Variants in PSD2 observed in about 807,000 individuals in gnomAD.
PSD2 encodes the protein pleckstrin and Sec7 domain containing 2, also known as PH and SEC7 domain-containing protein 2.
Under a neutral mutation model 69.8 loss-of-function variants are expected in PSD2, and 38 were observed. The ratio of observed to expected loss-of-function variants is 0.54; its 90% CI spans 0.42 to 0.71. The LOEUF is 0.71. Among genes scored for constraint, PSD2 ranks in the 30% least tolerant of loss-of-function variants. The pLI is 0.00. For synonymous variants in PSD2, 412 were observed against 423.0 expected (o/e 0.97, Z 0.32); for missense variants, 943 against 1,014.5 (o/e 0.93, Z 0.96).
At chr5:139,795,125 C>T (rs1042278362), upstream of PSD2, among the ~76,000 whole-genome samples, 41 of 152,146 alleles carry the variant, frequency 2.7e-4, no homozygotes, top group Non-Finnish European at 5.7e-4. The surrounding 1 kb of genome is among the most constrained non-coding windows in gnomAD (Gnocchi z 4.5). Flanking sequence ...TCACCTCCCG[C>T]CTCCCTCAGG....
the PSD2 span, among the ~76,000 whole-genome samples, chr5:139,784,157 C>G: frequency 6.6e-6 from 1 of 151,666 alleles, no homozygotes; most frequent in Admixed American, 6.6e-5. Flanking sequence ...CCAGGCTGGT[C>G]TTGAACTCCT....
chr5:139,820,557 G>A (rs892629201), intron 5 of PSD2, among the ~76,000 whole-genome samples: 1 of 152,178 alleles, frequency 6.6e-6, no homozygotes, highest in African/African-American at 2.4e-5. Flanking sequence ...GAGGTGGCAT[G>A]AGAGAGGGTA....
At chr5:139,784,568 C>A in the PSD2 span, among the ~76,000 whole-genome samples, 1 of 152,174 alleles carries the variant, frequency 6.6e-6, no homozygotes, top group Non-Finnish European at 1.5e-5. Context: ...AAGTCCTCAT[C>A]ATGGCCTACA....
the PSD2 span, among the ~76,000 whole-genome samples, chr5:139,762,961 T>C: frequency 6.6e-6 from 1 of 151,614 alleles, no homozygotes; most frequent in Non-Finnish European, 1.5e-5. Flanking sequence ...GACCCATAAA[T>C]GAAGGGAGGG....
At chr5:139,838,521 T>A in intron 12 of PSD2, 107 bp from the exon 13 acceptor site, 2 of 1,232,128 alleles carry the variant, frequency 1.6e-6, no homozygotes, top group South Asian at 1.4e-5. Context: ...CATCTAGAGG[T>A]ACTGGTGCCT....
the PSD2 span, among the ~76,000 whole-genome samples, chr5:139,777,073 C>T: frequency 3.3e-5 from 5 of 152,194 alleles, no homozygotes; most frequent in Admixed American, 2.6e-4. Context: ...CACACAGGCC[C>T]CAGATGGCTG....
chr5:139,768,772 T>TAAA, the PSD2 span, among the ~76,000 whole-genome samples: 1 of 130,106 alleles, frequency 7.7e-6, no homozygotes, highest in Non-Finnish European at 1.7e-5. Context: ...TGGATGGGAG[T>TAAA]AAAAAAGTGA....
the PSD2 span, among the ~76,000 whole-genome samples, chr5:139,788,684 C>G: frequency 1.3e-5 from 2 of 152,218 alleles, no homozygotes; most frequent in Non-Finnish European, 2.9e-5. Context: ...AGATGCCGTT[C>G]TGGGCCAGGC....
At chr5:139,807,242 T>C (rs1208815075) in intron 1 of PSD2, among the ~76,000 whole-genome samples, 1 of 152,214 alleles carries the variant, frequency 6.6e-6, no homozygotes, top group African/African-American at 2.4e-5. Flanking sequence ...GTTGAAACCC[T>C]GTGCCCCAGA....
rs1354930812 is a variant in PSD2 at position 139,837,904 on chromosome 5, G to A, written c.1823+122G>A. ...CATGTGTATCCACATGACACAGACC[G>A]ACAGCTGGGTCCCTCCAAAGCAGTG... On this transcript the variant is annotated intron_variant, in intron 12 of 14. Coordinates refer to ENST00000274710, the MANE Select transcript of PSD2 (RefSeq NM_032289.4). This position sits in a 1 kb window ranked among gnomAD's most constrained non-coding sequence, Gnocchi z 5.0. 8 of 927,374 alleles carry A rather than the reference G, an allele frequency of 8.6e-6. No individual in the cohort carries two copies. The highest frequency in any genetic ancestry group is 1.3e-5 in the Non-Finnish European group (8 of 627,052). 57.4% of individuals were successfully genotyped at this position (927,374 alleles called of 1,614,324 possible). A position where few individuals can be genotyped will look rare whatever the true frequency, so the allele number is the denominator to read the frequency against.
At chr5:139,789,826 A>T in the PSD2 span, among the ~76,000 whole-genome samples, 1 of 152,044 alleles carries the variant, frequency 6.6e-6, no homozygotes, top group East Asian at 1.9e-4. Flanking sequence ...CATATGTGTT[A>T]TGGAGGAAAA....
rs1482733388 is a variant in PSD2, at chr5:139,817,572, C to T, written c.1097+11C>T. 6.2e-7 allele frequency: 1 copy of T among 1,609,000 alleles called. No homozygotes were observed. Among genetic ancestry groups the T allele is most frequent in the Non-Finnish European group, 8.5e-7 (1 of 1,175,484 alleles). On this transcript the variant is annotated intron_variant, in intron 5 of 14. Transcript: ENST00000274710. ...GGACGGAGCACTCAGGTCAGTGGGG[C>T]TGGGACAGGCAGTGCCCACAAGTGG...
the PSD2 span, among the ~76,000 whole-genome samples, chr5:139,771,613 C>T: frequency 1.3e-5 from 2 of 152,108 alleles, no homozygotes; most frequent in African/African-American, 2.4e-5. Flanking sequence ...TTCCTGACCT[C>T]GTGATCCGCC....
At chr5:139,810,008 G>T (rs1014910791) in intron 2 of PSD2, among the ~76,000 whole-genome samples, 197 bp downstream of exon 2, 10 of 152,084 alleles carry the variant, frequency 6.6e-5, no homozygotes, top group Admixed American at 6.5e-5. Context: ...CCAGCAGATT[G>T]GGGGGCTGAA....
the PSD2 span, among the ~76,000 whole-genome samples, chr5:139,758,546 C>T: frequency 2.0e-4 from 30 of 152,228 alleles, no homozygotes; most frequent in Non-Finnish European, 3.5e-4. Flanking sequence ...TTGCTTCAGC[C>T]TCCTCCCCTG....
intron 1 of PSD2, among the ~76,000 whole-genome samples, chr5:139,801,595 C>A (rs1188662096): frequency 6.6e-6 from 1 of 152,174 alleles, no homozygotes; most frequent in African/African-American, 2.4e-5. Context: ...CTCTCTCCCC[C>A]ATCTCCACTC....
the PSD2 span, among the ~76,000 whole-genome samples, chr5:139,761,598 C>T: frequency 6.6e-6 from 1 of 152,224 alleles, no homozygotes; most frequent in Non-Finnish European, 1.5e-5. Context: ...CCGTGGACAC[C>T]AGTTTCCCTT....
intron 8 of PSD2, among the ~76,000 whole-genome samples, chr5:139,834,317 A>C (rs1760663869): frequency 6.6e-6 from 1 of 152,100 alleles, no homozygotes; most frequent in Admixed American, 6.5e-5. Flanking sequence ...ACAAGGTCTC[A>C]TTCTGTCACC....
At position 139,831,152 on chromosome 5, in the gene PSD2, T is replaced by A. The variant is rs528121537; in HGVS notation, c.1270-2550T>A. 2.0e-5 allele frequency among the ~76,000 whole-genome samples: 3 copies of A among 152,308 alleles called. No individual in the cohort carries two copies. In the East Asian group the frequency reaches 5.8e-4, roughly 29 times the overall value. On this transcript the variant is annotated intron_variant, in intron 7 of 14. Coordinates refer to ENST00000274710, the MANE Select transcript of PSD2 (RefSeq NM_032289.4). ...AGGATGATTATATCTTCTGGCAGAT[T>A]GACCCTTTTATCACTATGAACATGT...
Sources: allele counts gnomAD v4.1 joint callset (sites outside exome capture counted in the v4.1 genomes callset), GRCh38; gene constraint gnomAD v4.1.1; non-coding constraint Gnocchi (gnomAD v3.1); transcripts MANE v1.5; gene names NCBI Gene and HGNC (gene_info 2026-07-23, HGNC 2026-07-21).